IQUB: variants seen among roughly 807,000 people sequenced by gnomAD.
IQUB encodes the protein IQ motif and ubiquitin-like domain-containing protein.
In IQUB, 86 loss-of-function variants were observed where a neutral mutation model predicts 86.4. The ratio of observed to expected loss-of-function variants is 1.00; its 90% CI spans 0.84 to 1.19. IQUB has a LOEUF of 1.19. IQUB is among the 50% of genes most tolerant of loss of function. IQUB has a pLI of 0.00. For synonymous variants in IQUB, 289 were observed against 304.5 expected (o/e 0.95, Z 0.53); for missense variants, 946 against 916.9 (o/e 1.03, Z -0.41).
rs758271747 is a variant in IQUB at position 123,502,555 on chromosome 7, TATCAAATTTTTAGTATTC to T, written c.1023+24_1023+41del. ...ACACACTCGGAACAACTGGCTTATA[TATCAAATTTTTAGTATTC>T]ATCCACAATAAAAGTTATCTCACCG... On this transcript the variant is annotated intron_variant, in intron 6 of 12. Transcript: ENST00000324698. 7.0e-6 allele frequency: 11 copies of T among 1,562,804 alleles called. No homozygotes were observed. The Admixed American group carries it at 1.8e-4, about 26-fold the overall frequency.
At position 123,465,924 on chromosome 7, in the gene IQUB, T is replaced by G. The variant is rs959367778; in HGVS notation, c.1582-915A>C. ...CTCATATTCATTCATGCTGTCCCTC[T>G]CTCAGGCTCTCCAGGTGATTCTAAT... On this transcript the variant is annotated intron_variant, in intron 9 of 12. Coordinates refer to ENST00000324698, the MANE Select transcript of IQUB (RefSeq NM_178827.5). 4.6e-5 allele frequency among the ~76,000 whole-genome samples: 7 copies of G among 152,082 alleles called. No individual in the cohort carries two copies. In the South Asian group the frequency reaches 1.2e-3, roughly 27 times the overall value.
In IQUB at chr7:123,502,990, G is replaced by A. The variant is rs764624584; in HGVS notation, c.821C>T (p.Pro274Leu). The change falls in exon 5 of 13, where the codon CCT becomes CTT. Residue 274 changes from proline (P) to leucine (L), a missense_variant. Coordinates refer to ENST00000324698, the MANE Select transcript of IQUB (RefSeq NM_178827.5). ...EYHNAGTQTV[P>L]KRIPERLSIF... ...ACTGAGTCTTTCGGGAATCCTTTTA[G>A]GTACAGTTTGTGTTCCAGCATTGTG... 2 of 1,612,568 alleles carry A rather than the reference G, an allele frequency of 1.2e-6. No homozygotes were observed. Among genetic ancestry groups the A allele is most frequent in the African/African-American group, 2.7e-5 (2 of 74,772 alleles).
chr7:123,453,683 A>C (rs1032471365), intron 12 of IQUB, among the ~76,000 whole-genome samples: 1 of 152,044 alleles, frequency 6.6e-6, no homozygotes, highest in African/African-American at 2.4e-5. Context: ...CCACCATACT[A>C]GCCCCAAACT....
At chr7:123,510,732 A>G (rs1482455411) in intron 2 of IQUB, among the ~76,000 whole-genome samples, 2 of 152,160 alleles carry the variant, frequency 1.3e-5, no homozygotes, top group Non-Finnish European at 2.9e-5. Flanking sequence ...TATCAATAAC[A>G]TGACAAAATT....
chr7:123,484,659 T>C (rs1415012481), intron 7 of IQUB, among the ~76,000 whole-genome samples: 1 of 152,100 alleles, frequency 6.6e-6, no homozygotes, highest in Non-Finnish European at 1.5e-5. Context: ...ATACTACTTT[T>C]CTAGATAAAT....
intron 3 of IQUB, among the ~76,000 whole-genome samples, chr7:123,506,943 A>G (rs1340273388): frequency 6.6e-6 from 1 of 152,194 alleles, no homozygotes; most frequent in Non-Finnish European, 1.5e-5. Context: ...CCACTGGTGT[A>G]TTCAGAAATT....
intron 1 of IQUB, among the ~76,000 whole-genome samples, chr7:123,517,935 T>C (rs1013658834): frequency 2.0e-5 from 3 of 152,132 alleles, no homozygotes; most frequent in Non-Finnish European, 2.9e-5. Context: ...AAGGTATAGA[T>C]ACCTAAAGGG....
At chr7:123,475,004 A>T (rs1794686343) in intron 8 of IQUB, among the ~76,000 whole-genome samples, 1 of 152,172 alleles carries the variant, frequency 6.6e-6, no homozygotes, top group South Asian at 2.1e-4. Flanking sequence ...GTTACCCTGT[A>T]TCCATCTGGA....
chr7:123,486,622 C>T (rs916849423), intron 7 of IQUB, among the ~76,000 whole-genome samples: 1 of 152,058 alleles, frequency 6.6e-6, no homozygotes, highest in Non-Finnish European at 1.5e-5. Context: ...TAAAGAGATT[C>T]GGTAAAAATA....
chr7:123,480,617 C>A (rs1794964078), intron 7 of IQUB, among the ~76,000 whole-genome samples: 1 of 151,996 alleles, frequency 6.6e-6, no homozygotes, highest in East Asian at 1.9e-4. Flanking sequence ...TTTCCTTTTC[C>A]TTCCTCTGCT....
chr7:123,455,886 C>T (rs892762390), intron 12 of IQUB, among the ~76,000 whole-genome samples: 2 of 152,130 alleles, frequency 1.3e-5, no homozygotes, highest in African/African-American at 4.8e-5. Context: ...GATCAATCTG[C>T]TCCACTTAAA....
intron 7 of IQUB, among the ~76,000 whole-genome samples, chr7:123,483,787 C>T (rs921280305): frequency 6.6e-6 from 1 of 152,022 alleles, no homozygotes; most frequent in Admixed American, 6.6e-5. Flanking sequence ...AGATTACTTA[C>T]CCTTGGTCTT....
intron 1 of IQUB, among the ~76,000 whole-genome samples, chr7:123,522,791 G>A (rs1796968288): frequency 6.6e-6 from 1 of 151,878 alleles, no homozygotes; most frequent in Non-Finnish European, 1.5e-5. Context: ...ACATGCTGGT[G>A]TGCTGCACCC....
chr7:123,508,810 T>G (rs2117242633), intron 3 of IQUB, among the ~76,000 whole-genome samples: 1 of 152,302 alleles, frequency 6.6e-6, no homozygotes, highest in East Asian at 1.9e-4. Context: ...GAGTTTTGGG[T>G]TTCCTTCTCC....
chr7:123,497,349 T>G (rs1795750265), intron 6 of IQUB, among the ~76,000 whole-genome samples: 1 of 152,122 alleles, frequency 6.6e-6, no homozygotes, highest in Non-Finnish European at 1.5e-5. Flanking sequence ...TCATACATAT[T>G]AATTATCTCC....
chr7:123,528,181 C>T lies in IQUB; in HGVS notation c.-5+6311G>A, dbSNP rs927323166. ...GCCTCGCCCTGCTTCGGCTCGCGCACGGTGCACGCACCCACTGACCTGCGC... is the reference window on the plus strand; with the variant it reads ...GCCTCGCCCTGCTTCGGCTCGCGCATGGTGCACGCACCCACTGACCTGCGC... On this transcript the variant is annotated intron_variant, in intron 1 of 12. Transcript: ENST00000324698. Among the ~76,000 whole-genome samples, 7 of 152,248 alleles carry T rather than the reference C, an allele frequency of 4.6e-5. 1 individual carries two copies. Among genetic ancestry groups the T allele is most frequent in the Admixed American group, 2.6e-4 (4 of 15,300 alleles).
chr7:123,485,904 G>A (rs1161091674), intron 7 of IQUB, among the ~76,000 whole-genome samples: 2 of 152,194 alleles, frequency 1.3e-5, no homozygotes, highest in African/African-American at 4.8e-5. Flanking sequence ...GCTGTCAAGA[G>A]AGGTTTCTGG....
chr7:123,528,887 C>T (rs1056403064), intron 1 of IQUB, among the ~76,000 whole-genome samples: 2 of 152,080 alleles, frequency 1.3e-5, no homozygotes, highest in African/African-American at 2.4e-5. Flanking sequence ...CTCATATGTA[C>T]ATATTAATAT....
intron 3 of IQUB, among the ~76,000 whole-genome samples, chr7:123,504,516 G>A (rs912434214): frequency 2.6e-5 from 4 of 152,118 alleles, no homozygotes; most frequent in Non-Finnish European, 5.9e-5. Context: ...CATGGCTGGG[G>A]AGGCCTCAGG....
Sources: gnomAD v4.1 joint callset for allele counts (sites outside exome capture counted in the v4.1 genomes callset) on GRCh38, gnomAD v4.1.1 for gene constraint, MANE v1.5 for transcripts, NCBI Gene and HGNC (gene_info 2026-07-23, HGNC 2026-07-21) for gene names.